RBFOX1: variants seen among roughly 807,000 people sequenced by gnomAD.
RBFOX1 encodes the protein RNA binding fox-1 homolog 1.
RBFOX1 carries 8 observed loss-of-function variants against 57.7 expected under a neutral mutation model. The ratio of observed to expected loss-of-function variants is 0.14; its 90% CI spans 0.08 to 0.25. The LOEUF (loss-of-function observed/expected upper bound fraction) is 0.25. Among genes scored for constraint, RBFOX1 ranks in the 10% least tolerant of loss-of-function variants. The pLI, the probability that RBFOX1 is intolerant of heterozygous loss-of-function variation, is 1.00. For missense variants in RBFOX1, 611 were observed against 548.5 expected (o/e 1.11, Z -1.14); for synonymous variants, 326 against 222.4 (o/e 1.47, Z -4.15).
intron 1 of RBFOX1, among the ~76,000 whole-genome samples, chr16:6,029,166 G>A (rs2095250880): frequency 6.6e-6 from 1 of 152,124 alleles, no homozygotes; most frequent in African/African-American, 2.4e-5. Flanking sequence ...TCCCTAGTTA[G>A]TGTGCTGTGA....
intron 2 of RBFOX1, among the ~76,000 whole-genome samples, chr16:6,323,030 C>G (rs1019839886): frequency 2.0e-5 from 3 of 152,154 alleles, no homozygotes; most frequent in African/African-American, 7.2e-5. Flanking sequence ...AGCTCTTTTC[C>G]CAGCTTCCCT....
chr16:5,580,241 A>C (rs1487014787), intron 2 of RBFOX1, among the ~76,000 whole-genome samples: 3 of 152,186 alleles, frequency 2.0e-5, no homozygotes, highest in Admixed American at 6.5e-5. Context: ...CTGAAGAGCC[A>C]GTGAGGGCAG....
intron 3 of RBFOX1, among the ~76,000 whole-genome samples, chr16:6,991,861 C>T (rs905581729): frequency 4.9e-4 from 75 of 152,270 alleles, no homozygotes; most frequent in African/African-American, 1.7e-3. Flanking sequence ...TGTTAATGTG[C>T]ATAGGAATCA....
chr16:6,646,032 G>C (rs1219972233), intron 2 of RBFOX1, among the ~76,000 whole-genome samples: 1 of 149,302 alleles, frequency 6.7e-6, no homozygotes, highest in African/African-American at 2.4e-5. Context: ...AAAAGTAGAA[G>C]GGCTGCCTTC....
intron 1 of RBFOX1, among the ~76,000 whole-genome samples, chr16:5,412,370 T>C (rs1444438772): frequency 2.0e-5 from 3 of 152,246 alleles, no homozygotes; most frequent in Non-Finnish European, 2.9e-5. Flanking sequence ...ATATTAGTTA[T>C]TGTTATCACT....
chr16:5,675,147 C>CA (rs1274709036), intron 3 of RBFOX1, among the ~76,000 whole-genome samples: 1 of 151,602 alleles, frequency 6.6e-6, no homozygotes, highest in African/African-American at 2.4e-5. Flanking sequence ...GACCCTGTCT[C>CA]AAAAAAAGTG....
intron 2 of RBFOX1, among the ~76,000 whole-genome samples, chr16:6,493,249 T>C (rs2095675506): frequency 6.6e-6 from 1 of 152,136 alleles, no homozygotes; most frequent in Non-Finnish European, 1.5e-5. Flanking sequence ...TTCACAGTTA[T>C]GTTTTGGTTG....
intron 3 of RBFOX1, among the ~76,000 whole-genome samples, chr16:6,999,122 G>A (rs781563136): frequency 1.6e-3 from 236 of 151,450 alleles, no homozygotes; most frequent in Middle Eastern, 0.01. Flanking sequence ...GCCCGCCTCT[G>A]CCTCCCAAAG....
intron 4 of RBFOX1, among the ~76,000 whole-genome samples, chr16:5,934,446 C>T (rs576096474): frequency 9.9e-5 from 15 of 152,136 alleles, no homozygotes; most frequent in Admixed American, 2.0e-4. Context: ...ACTGAGTCCA[C>T]TTAAAGAAAT....
chr16:5,565,510 A>G (rs1233249605), intron 2 of RBFOX1, among the ~76,000 whole-genome samples: 4 of 152,000 alleles, frequency 2.6e-5, no homozygotes, highest in Admixed American at 6.6e-5. Flanking sequence ...GTATAATCCC[A>G]GCTACTTGGG....
intron 4 of RBFOX1, among the ~76,000 whole-genome samples, chr16:5,919,231 C>T (rs1361283845): frequency 6.6e-6 from 1 of 152,210 alleles, no homozygotes; most frequent in East Asian, 1.9e-4. Context: ...CTAGTTAATG[C>T]CTATTTCTCT....
intron 4 of RBFOX1, among the ~76,000 whole-genome samples, chr16:7,268,910 G>A (rs1603463384): frequency 6.6e-6 from 1 of 151,788 alleles, no homozygotes; most frequent in South Asian, 2.1e-4. Flanking sequence ...GGTGGCAAAT[G>A]CCTGCAATCC....
intron 4 of RBFOX1, among the ~76,000 whole-genome samples, chr16:7,505,813 C>G (rs139419546): frequency 1.3e-5 from 2 of 152,190 alleles, no homozygotes; most frequent in Admixed American, 1.3e-4. Flanking sequence ...GAATCTGTAA[C>G]ATGGATTCTG....
intron 3 of RBFOX1, among the ~76,000 whole-genome samples, chr16:5,672,676 A>G (rs1555498609): frequency 1.3e-5 from 2 of 151,960 alleles, no homozygotes; most frequent in African/African-American, 4.8e-5. Context: ...TTTTTCTTTT[A>G]TAACCACCAC....
intron 5 of RBFOX1, among the ~76,000 whole-genome samples, chr16:7,534,873 G>C (rs1055945084): frequency 1.3e-5 from 2 of 152,136 alleles, no homozygotes; most frequent in East Asian, 3.9e-4. Flanking sequence ...GCTTTAGGAA[G>C]CCCTGCGATT....
chr16:6,339,047 T>C (rs2084162041), intron 2 of RBFOX1, among the ~76,000 whole-genome samples: 1 of 151,488 alleles, frequency 6.6e-6, no homozygotes, highest in South Asian at 2.1e-4. Context: ...GGATCAGGAG[T>C]GGAATGGAAT....
At chr16:6,001,807 G>A (rs1234649674) in intron 4 of RBFOX1, among the ~76,000 whole-genome samples, 1 of 152,044 alleles carries the variant, frequency 6.6e-6, no homozygotes, top group Non-Finnish European at 1.5e-5. Flanking sequence ...GATGACTAAA[G>A]CCTGGGAAAC....
chr16:7,541,073 A>T (rs2082792323), intron 5 of RBFOX1, among the ~76,000 whole-genome samples: 1 of 152,084 alleles, frequency 6.6e-6, no homozygotes, highest in African/African-American at 2.4e-5. Flanking sequence ...CTAACCACAC[A>T]CCTGGAAATC....
intron 3 of RBFOX1, among the ~76,000 whole-genome samples, chr16:6,827,799 G>C (rs1274886530): frequency 2.6e-5 from 4 of 152,166 alleles, no homozygotes; most frequent in Admixed American, 1.3e-4. Flanking sequence ...TTTATCCCAG[G>C]TCAGCTTCGC....
Sources: gnomAD v4.1 joint callset for allele counts (sites outside exome capture counted in the v4.1 genomes callset) on GRCh38, gnomAD v4.1.1 for gene constraint, MANE v1.5 for transcripts, NCBI Gene and HGNC (gene_info 2026-07-23, HGNC 2026-07-21) for gene names.